Variants in TMEM135 observed in about 807,000 individuals in gnomAD.
The protein encoded by TMEM135 is transmembrane protein 135.
TMEM135 carries 30 observed loss-of-function variants against 60.3 expected under a neutral mutation model. That is an observed-to-expected ratio of 0.50 (90% CI 0.37 to 0.68). The LOEUF is 0.68. Ranked by LOEUF, TMEM135 falls within the 30% of genes least tolerant of loss-of-function variation. The probability of loss-of-function intolerance (pLI) is 0.00; values close to 1 mark genes in which losing one functional copy is unlikely to be tolerated. For missense variants in TMEM135, 468 were observed against 548.8 expected (o/e 0.85, Z 1.47); for synonymous variants, 190 against 186.7 (o/e 1.02, Z -0.14).
At chr11:87,176,424 T>G (rs149271308) in intron 5 of TMEM135, among the ~76,000 whole-genome samples, 1 of 152,092 alleles carries the variant, frequency 6.6e-6, no homozygotes, top group East Asian at 1.9e-4. Flanking sequence ...GAATCCCTTT[T>G]TAAAAAAATA....
Position 87,078,373 on chromosome 11 carries a change from CT to C in TMEM135, c.362+6761del, listed in dbSNP as rs1288770146. 2.0e-5 allele frequency among the ~76,000 whole-genome samples: 3 copies of C among 152,120 alleles called. No individual in the cohort carries two copies. The East Asian group carries it at 5.8e-4, about 29-fold the overall frequency. ...TAGTTTTTGATCATTTACATATCTT[CT>C]TTGGAGAAATGTCTATTCAAATCCT... On this transcript the variant is annotated intron_variant, in intron 3 of 14. Transcript: ENST00000305494.
At position 87,321,421 on chromosome 11, in the gene TMEM135, C is replaced by A; in HGVS notation, c.*88C>A. 7.1e-7 allele frequency: 1 copy of A among 1,402,130 alleles called. No individual in the cohort carries two copies. The highest frequency in any genetic ancestry group is 1.0e-6 in the Non-Finnish European group (1 of 990,556). The allele number at this position is 1,402,130 out of a possible 1,614,324, so 86.9% of individuals were successfully genotyped here. ...ACAAAGGAGGGGGCCCAAGCTCGAA[C>A]TTCAGTGTTATTTCAGTTAGAGATA... On this transcript the variant is annotated 3_prime_UTR_variant, in exon 15 of 15. Transcript: ENST00000305494.
Position 87,323,169 on chromosome 11 carries a change from T to A in TMEM135, c.*1836T>A. ...GATGAATTACGAAATTTGCTGAGATTGTTTAGTAAAATTTTGCTGGTCAAA... is the reference window on the plus strand; with the variant it reads ...GATGAATTACGAAATTTGCTGAGATAGTTTAGTAAAATTTTGCTGGTCAAA... On this transcript the variant is annotated 3_prime_UTR_variant, in exon 15 of 15. Transcript: ENST00000305494. 2.2e-6 allele frequency: 1 copy of A among 454,058 alleles called. No individual in the cohort carries two copies. The highest frequency in any genetic ancestry group is 4.4e-6 in the Non-Finnish European group (1 of 226,706). The allele number at this position is 454,058 out of a possible 1,614,324, so 28.1% of individuals were successfully genotyped here. A position where few individuals can be genotyped will look rare whatever the true frequency, so the allele number is the denominator to read the frequency against.
chr11:87,060,877 C>T (rs987456636), intron 1 of TMEM135, among the ~76,000 whole-genome samples: 1 of 152,058 alleles, frequency 6.6e-6, no homozygotes, highest in Non-Finnish European at 1.5e-5. Flanking sequence ...CTCCTGACCT[C>T]GTGATCTGCC....
At chr11:87,220,567 G>A (rs1016462167) in intron 5 of TMEM135, among the ~76,000 whole-genome samples, 1 of 152,194 alleles carries the variant, frequency 6.6e-6, no homozygotes, top group African/African-American at 2.4e-5. Context: ...ACTCTGCTAA[G>A]ATACTGCTTG....
chr11:87,290,582 A>G (rs965112667), intron 6 of TMEM135, among the ~76,000 whole-genome samples: 1 of 152,174 alleles, frequency 6.6e-6, no homozygotes, highest in African/African-American at 2.4e-5. Context: ...TTATTTTACT[A>G]TCATTTACAC....
At chr11:87,273,863 G>T (rs1941917146) in intron 6 of TMEM135, among the ~76,000 whole-genome samples, 1 of 151,988 alleles carries the variant, frequency 6.6e-6, no homozygotes. Context: ...GGCTATTTGG[G>T]TCCTTATTGT....
intron 1 of TMEM135, among the ~76,000 whole-genome samples, chr11:87,060,828 G>A (rs1338904046): frequency 1.3e-5 from 2 of 152,092 alleles, no homozygotes; most frequent in Middle Eastern, 3.4e-3. Context: ...ATTTTTAGTA[G>A]AGACGGGGTT....
chr11:87,211,954 A>T (rs1940380736), intron 5 of TMEM135, among the ~76,000 whole-genome samples: 1 of 152,082 alleles, frequency 6.6e-6, no homozygotes, highest in Admixed American at 6.5e-5. Flanking sequence ...AAAAAAAAAA[A>T]TAAGAAAAAA....
At position 87,286,456 on chromosome 11, in the gene TMEM135, C is replaced by T. The variant is rs548396172; in HGVS notation, c.510-9326C>T. 4.7e-3 allele frequency among the ~76,000 whole-genome samples: 717 copies of T among 152,334 alleles called. 4 individuals are homozygous for T. Among genetic ancestry groups the T allele is most frequent in the Non-Finnish European group, 6.8e-3 (460 of 68,038 alleles). The stretch of plus-strand genomic sequence containing the variant: ...CCCGACTCAGGAGCCCAGCTGGCTT[C>T]GCCTAGTGGACCCTGCGCCAGGGCC... On this transcript the variant is annotated intron_variant, in intron 6 of 14. Transcript: ENST00000305494.
chr11:87,080,379 A>G (rs2135153692), intron 3 of TMEM135, among the ~76,000 whole-genome samples: 1 of 152,188 alleles, frequency 6.6e-6, no homozygotes, highest in East Asian at 1.9e-4. Flanking sequence ...TCCTACAGGC[A>G]TTGCTACATC....
chr11:87,250,776 G>C (rs1273062894), intron 6 of TMEM135, among the ~76,000 whole-genome samples: 1 of 152,144 alleles, frequency 6.6e-6, no homozygotes, highest in Non-Finnish European at 1.5e-5. Context: ...AGAATTTAGA[G>C]GTTAAAAGTT....
Position 87,316,377 on chromosome 11 carries a change from C to T in TMEM135, c.1078-1760C>T, listed in dbSNP as rs552884659. 1.2e-3 allele frequency among the ~76,000 whole-genome samples: 186 copies of T among 151,468 alleles called. 1 individual carries two copies. The highest frequency in any genetic ancestry group is 4.2e-3 in the African/African-American group (175 of 41,296). ...GGAGGACAGGCAGGAGCCAGACCAT[C>T]ATGTAGGATTTTAAAAGCTGGGGTA... On this transcript the variant is annotated intron_variant, in intron 12 of 14. Coordinates refer to ENST00000305494, the MANE Select transcript of TMEM135 (RefSeq NM_022918.4).
chr11:87,053,168 G>T (rs1303608839), intron 1 of TMEM135, among the ~76,000 whole-genome samples: 1 of 93,630 alleles, frequency 1.1e-5, no homozygotes, highest in Non-Finnish European at 1.9e-5. Context: ...CTGTGGTGGG[G>T]TCGGGGGAGG....
intron 4 of TMEM135, among the ~76,000 whole-genome samples, chr11:87,093,325 A>G (rs919705712): frequency 6.6e-6 from 1 of 151,678 alleles, no homozygotes. Flanking sequence ...CAATCCTCCT[A>G]CCTCACCCTC....
In TMEM135 at chr11:87,181,897, G is replaced by A. The variant is rs114075553; in HGVS notation, c.462+24491G>A. On this transcript the variant is annotated intron_variant, in intron 5 of 14. Transcript: ENST00000305494. ...ATTCTTTTATAAGAATTGAATCATT[G>A]TAGTTTGTGTTTCTGTATGATGATA... Among the ~76,000 whole-genome samples, 1,216 of 151,354 alleles carry A rather than the reference G, an allele frequency of 8.0e-3. 13 individuals are homozygous for A. Among genetic ancestry groups the A allele is most frequent in the African/African-American group, 0.027 (1,134 of 41,370 alleles).
intron 5 of TMEM135, among the ~76,000 whole-genome samples, chr11:87,183,301 C>T (rs965328491): frequency 2.0e-5 from 3 of 151,458 alleles, no homozygotes; most frequent in Non-Finnish European, 4.4e-5. Context: ...TGCCACCACG[C>T]CTGGTTAATT....
chr11:87,282,554 C>T (rs1160274830), intron 6 of TMEM135, among the ~76,000 whole-genome samples: 1 of 152,262 alleles, frequency 6.6e-6, no homozygotes. Flanking sequence ...GCGTGAGCCA[C>T]CGCATCCGGC....
intron 5 of TMEM135, among the ~76,000 whole-genome samples, chr11:87,218,127 A>G (rs965860417): frequency 6.6e-6 from 1 of 152,118 alleles, no homozygotes; most frequent in Non-Finnish European, 1.5e-5. Context: ...GGTAAAGGCC[A>G]GCGATGCTAC....
Sources: gnomAD v4.1 joint callset for allele counts (sites outside exome capture counted in the v4.1 genomes callset) on GRCh38, gnomAD v4.1.1 for gene constraint, MANE v1.5 for transcripts, NCBI Gene and HGNC (gene_info 2026-07-23, HGNC 2026-07-21) for gene names.